RETREG1: variants seen among roughly 807,000 people sequenced by gnomAD.
RETREG1 encodes the protein reticulophagy regulator 1, also known as family with sequence similarity 134 member B.
Under a neutral mutation model 54.8 loss-of-function variants are expected in RETREG1, and 44 were observed. The observed-to-expected ratio is 0.80, with a 90% confidence interval of 0.63 to 1.03. The LOEUF is 1.03. RETREG1 is among the 50% of genes least tolerant of loss of function. The pLI is 0.00. For synonymous variants in RETREG1, 217 were observed against 238.5 expected, an observed-to-expected ratio of 0.91 and a Z score of 0.83; for missense variants, 554 against 605.1, an observed-to-expected ratio of 0.92 and a Z score of 0.89.
At chr5:16,614,961 T>A (rs1172405956) in intron 1 of RETREG1, among the ~76,000 whole-genome samples, 1 of 152,114 alleles carries the variant, frequency 6.6e-6, no homozygotes. Flanking sequence ...ACTAGCAACA[T>A]TGCTGGCCTC....
chr5:16,509,723 G>GTT (rs1456570912), intron 3 of RETREG1, among the ~76,000 whole-genome samples: 31 of 152,170 alleles, frequency 2.0e-4, no homozygotes, highest in African/African-American at 7.0e-4. Flanking sequence ...GTTGCCAGGT[G>GTT]CTGTGGCTCA....
intron 3 of RETREG1, among the ~76,000 whole-genome samples, chr5:16,555,172 G>C (rs1741671122): frequency 6.6e-6 from 1 of 152,116 alleles, no homozygotes; most frequent in Non-Finnish European, 1.5e-5. Context: ...TTATTTTTGA[G>C]ACAGAGTCTC....
intron 1 of RETREG1, among the ~76,000 whole-genome samples, chr5:16,604,819 C>A (rs894221641): frequency 6.6e-6 from 1 of 152,228 alleles, no homozygotes; most frequent in Admixed American, 6.5e-5. Context: ...GAGCACTACA[C>A]TGAATCATTT....
At position 16,588,522 on chromosome 5, in the gene RETREG1, G is replaced by A. The variant is rs557522346; in HGVS notation, c.321-16420C>T. Among the ~76,000 whole-genome samples, 7 of 152,276 alleles carry A rather than the reference G, an allele frequency of 4.6e-5. No homozygotes were observed. In the South Asian group the frequency reaches 8.3e-4, roughly 18 times the overall value. On this transcript the variant is annotated intron_variant, in intron 1 of 8. Coordinates refer to ENST00000306320, the MANE Select transcript of RETREG1 (RefSeq NM_001034850.3). Reference sequence around the variant, plus strand: ...CAAGTGTGTGGACCACTCACCTGCCGGCCCCAAGGTCACTCCTGTGTCAAA... The same window carrying A: ...CAAGTGTGTGGACCACTCACCTGCCAGCCCCAAGGTCACTCCTGTGTCAAA...
intron 8 of RETREG1, among the ~76,000 whole-genome samples, chr5:16,476,518 A>T (rs1417693733): frequency 6.6e-6 from 1 of 152,166 alleles, no homozygotes; most frequent in South Asian, 2.1e-4. Context: ...AACAAAGAAT[A>T]TACTGGATAA....
In RETREG1 at chr5:16,476,582, G is replaced by A. The variant is rs548488779; in HGVS notation, c.1000+1080C>T. Among the ~76,000 whole-genome samples, 94 of 152,248 alleles carry A rather than the reference G, an allele frequency of 6.2e-4. 1 individual carries two copies. The Middle Eastern group carries it at 0.014, about 22-fold the overall frequency. ...ATACTATGCAGCCATAAAAAGGAAC[G>A]AGATCATGTCCTTTGCAAGGACATG... On this transcript the variant is annotated intron_variant, in intron 8 of 8. Transcript: ENST00000306320.
intron 1 of RETREG1, among the ~76,000 whole-genome samples, chr5:16,607,812 G>A (rs1039656185): frequency 1.8e-4 from 28 of 151,510 alleles, no homozygotes. Flanking sequence ...CCTCACCTCT[G>A]GGTATTCCCC....
intron 1 of RETREG1, among the ~76,000 whole-genome samples, chr5:16,607,618 T>TA (rs1044636234): frequency 6.6e-6 from 1 of 151,390 alleles, no homozygotes; most frequent in African/African-American, 2.4e-5. Context: ...TGTCTCAATT[T>TA]AAAAAAACAA....
intron 1 of RETREG1, among the ~76,000 whole-genome samples, chr5:16,599,536 G>A (rs1481006220): frequency 5.9e-5 from 9 of 152,184 alleles, no homozygotes; most frequent in Admixed American, 5.9e-4. Flanking sequence ...TTGCCCAAAA[G>A]TATGGGAATC....
Position 16,478,024 on chromosome 5 carries a change from CA to C in RETREG1, c.873+9del, listed in dbSNP as rs775446294. 1.9e-6 allele frequency: 3 copies of C among 1,600,774 alleles called. No homozygotes were observed. Among genetic ancestry groups the C allele is most frequent in the Admixed American group, 3.4e-5 (2 of 58,738 alleles). Reference sequence around the variant, plus strand: ...ACACAGGAACAAATTGAAAACTAAACAAAAAATACCTTAGGACAAAGAGCTG... The same window carrying C: ...ACACAGGAACAAATTGAAAACTAAACAAAAATACCTTAGGACAAAGAGCTG... On this transcript the variant is annotated intron_variant, in intron 7 of 8. Transcript: ENST00000306320.
chr5:16,608,708 G>A (rs1315800756), intron 1 of RETREG1, among the ~76,000 whole-genome samples: 1 of 152,096 alleles, frequency 6.6e-6, no homozygotes, highest in African/African-American at 2.4e-5. Context: ...ACCACACTGG[G>A]TAGGGAGCAG....
At chr5:16,615,213 C>T (rs1357629622) in intron 1 of RETREG1, among the ~76,000 whole-genome samples, 1 of 151,862 alleles carries the variant, frequency 6.6e-6, no homozygotes, top group African/African-American at 2.4e-5. Flanking sequence ...CTGGCTAACA[C>T]GGTGAAACCC....
intron 3 of RETREG1, among the ~76,000 whole-genome samples, chr5:16,543,890 C>A (rs1741315541): frequency 6.6e-6 from 1 of 151,486 alleles, no homozygotes; most frequent in Admixed American, 6.6e-5. Context: ...TGATGTTGAG[C>A]ATCTTTTTAT....
Position 16,616,886 on chromosome 5 carries a change from G to A in RETREG1, c.86C>T (p.Pro29Leu), listed in dbSNP as rs528532732. ...AEEQAPPSPP[P>L]PQASPAERQQ... ...CCGCTCTGCGGGGGATGCCTGGGGCGGTGGCGGCGACGGCGGCGCCTGCTC... is the reference window on the plus strand; with the variant it reads ...CCGCTCTGCGGGGGATGCCTGGGGCAGTGGCGGCGACGGCGGCGCCTGCTC... The change falls in exon 1 of 9, where the codon CCG becomes CTG. Residue 29 changes from proline to leucine, a missense_variant. Pro to Leu is a moderately conservative substitution (Grantham distance 98, BLOSUM62 -3). This residue lies in a region of RETREG1 where 175 missense variants were observed against 142.1 expected (regional missense o/e 1.23). Coordinates refer to ENST00000306320, the MANE Select transcript of RETREG1 (RefSeq NM_001034850.3). The A allele has an allele frequency of 4.0e-4, 594 of 1,484,994 alleles. 7 individuals carry two copies. The East Asian group carries it at 0.015, about 39-fold the overall frequency. The allele number at this position is 1,484,994 out of a possible 1,614,324, so 92.0% of individuals were successfully genotyped here. A position where few individuals can be genotyped will look rare whatever the true frequency, so the allele number is the denominator to read the frequency against.
intron 2 of RETREG1, among the ~76,000 whole-genome samples, chr5:16,570,339 C>T (rs768816498): frequency 1.3e-5 from 2 of 152,158 alleles, no homozygotes; most frequent in African/African-American, 2.4e-5. Context: ...GAGTCAACAG[C>T]GGAAACGATC....
chr5:16,479,446 T>A (rs915508537), intron 5 of RETREG1, among the ~76,000 whole-genome samples: 1 of 152,140 alleles, frequency 6.6e-6, no homozygotes, highest in Admixed American at 6.6e-5. Context: ...GGAAAGTTAT[T>A]AGCCTCTCAT....
intron 3 of RETREG1, among the ~76,000 whole-genome samples, chr5:16,493,098 A>G (rs1407547453): frequency 6.6e-6 from 1 of 151,908 alleles, no homozygotes; most frequent in Non-Finnish European, 1.5e-5. Context: ...CCCTTTTTTT[A>G]TATCAAGTTT....
intron 1 of RETREG1, among the ~76,000 whole-genome samples, chr5:16,577,295 T>G (rs983554614): frequency 6.6e-6 from 1 of 151,962 alleles, no homozygotes; most frequent in African/African-American, 2.4e-5. Flanking sequence ...GTTTGTTTTT[T>G]TTTTTTTTCC....
intron 3 of RETREG1, among the ~76,000 whole-genome samples, chr5:16,493,664 T>C (rs1222126411): frequency 6.6e-6 from 1 of 152,184 alleles, no homozygotes; most frequent in African/African-American, 2.4e-5. Flanking sequence ...TTACTGTAGT[T>C]GGAGTCAAAA....
Sources: gnomAD v4.1 joint callset for allele counts (sites outside exome capture counted in the v4.1 genomes callset) on GRCh38, gnomAD v4.1.1 for gene constraint, gnomAD v4.1.1 regional missense constraint, MANE v1.5 for transcripts, NCBI Gene and HGNC (gene_info 2026-07-23, HGNC 2026-07-21) for gene names.